SLC10A7: variants seen among roughly 807,000 people sequenced by gnomAD.
SLC10A7 encodes sodium/bile acid cotransporter 7.
SLC10A7 carries 29 observed loss-of-function variants against 43.2 expected under a neutral mutation model. The observed-to-expected ratio is 0.67, with a 90% CI of 0.50 to 0.92. The LOEUF is 0.92. Ranked by LOEUF, SLC10A7 falls within the 40% of genes least tolerant of loss-of-function variation. SLC10A7 has a pLI of 0.00. For synonymous variants in SLC10A7, 152 were observed against 144.8 expected (o/e 1.05, Z -0.35); for missense variants, 295 against 403.2 (o/e 0.73, Z 2.30).
chr4:146,492,725 G>A (rs1735569322), intron 4 of SLC10A7, among the ~76,000 whole-genome samples: 2 of 152,154 alleles, frequency 1.3e-5, no homozygotes, highest in South Asian at 4.2e-4. Flanking sequence ...TATAAAAAGA[G>A]AATACGTTGG....
At chr4:146,336,692 A>G (rs902676822) in intron 5 of SLC10A7, among the ~76,000 whole-genome samples, 1 of 152,016 alleles carries the variant, frequency 6.6e-6, no homozygotes, top group Non-Finnish European at 1.5e-5. Context: ...TTTCTAATCT[A>G]AAGTTGGTTC....
chr4:146,500,158 G>C (rs989813066), intron 4 of SLC10A7, among the ~76,000 whole-genome samples: 2 of 152,110 alleles, frequency 1.3e-5, no homozygotes, highest in Admixed American at 6.5e-5. Flanking sequence ...CCAGCTATCT[G>C]CCAATTTCAT....
chr4:146,480,227 C>A (rs1256910145), intron 4 of SLC10A7, among the ~76,000 whole-genome samples: 3 of 151,682 alleles, frequency 2.0e-5, no homozygotes, highest in Non-Finnish European at 4.4e-5. Flanking sequence ...AATTCAATAC[C>A]TACTAGATAT....
chr4:146,257,716 G>C (rs767639532), intron 11 of SLC10A7, among the ~76,000 whole-genome samples: 1 of 152,132 alleles, frequency 6.6e-6, no homozygotes, highest in Non-Finnish European at 1.5e-5. Context: ...ATTATCATTA[G>C]TCAGCAGAAA....
chr4:146,273,210 T>C (rs1186320465), intron 10 of SLC10A7, among the ~76,000 whole-genome samples: 1 of 152,164 alleles, frequency 6.6e-6, no homozygotes, highest in African/African-American at 2.4e-5. Context: ...TCCTTGCCAT[T>C]GAGCTGTAGG....
intron 5 of SLC10A7, among the ~76,000 whole-genome samples, chr4:146,405,954 A>C (rs997566698): frequency 6.6e-6 from 1 of 152,186 alleles, no homozygotes; most frequent in East Asian, 1.9e-4. Context: ...TTTTGGAGAA[A>C]AAAGGATATC....
At chr4:146,338,641 G>A (rs1286297775) in intron 5 of SLC10A7, among the ~76,000 whole-genome samples, 1 of 151,984 alleles carries the variant, frequency 6.6e-6, no homozygotes, top group Non-Finnish European at 1.5e-5. Context: ...ACTCTTGGGT[G>A]CAGAGTTAGT....
At chr4:146,390,310 G>A (rs1292497738) in intron 5 of SLC10A7, among the ~76,000 whole-genome samples, 1 of 152,134 alleles carries the variant, frequency 6.6e-6, no homozygotes, top group Non-Finnish European at 1.5e-5. Flanking sequence ...GGGCAGTTTT[G>A]AAGGAGGATA....
At chr4:146,517,231 G>A in intron 1 of SLC10A7, 111 bp from the exon 2 acceptor site, 1 of 737,810 alleles carries the variant, frequency 1.4e-6, no homozygotes, top group Middle Eastern at 2.8e-4. Context: ...GGGAGGCCGA[G>A]GCGAGTAGAG....
At chr4:146,384,614 G>C (rs1737859785) in intron 5 of SLC10A7, among the ~76,000 whole-genome samples, 1 of 151,998 alleles carries the variant, frequency 6.6e-6, no homozygotes, top group African/African-American at 2.4e-5. Context: ...TATATATAGG[G>C]ATTTGGACAA....
chr4:146,465,968 C>T (rs1372603456), intron 4 of SLC10A7, among the ~76,000 whole-genome samples: 4 of 152,136 alleles, frequency 2.6e-5, no homozygotes, highest in South Asian at 2.1e-4. Context: ...TGTTCTTTAA[C>T]CTGCTTTCTC....
rs945618820 is a variant in SLC10A7 at position 146,507,933 on chromosome 4, T to C, written c.320+1980A>G. 5.9e-5 allele frequency among the ~76,000 whole-genome samples: 9 copies of C among 152,298 alleles called. No individual in the cohort carries two copies. In the South Asian group the frequency reaches 1.9e-3, roughly 32 times the overall value. The stretch of plus-strand genomic sequence containing the variant: ...GTTCAACATCTTGAAGTCAGAATTG[T>C]TTGTTTTATTTAGCATATTGAGAGT... On this transcript the variant is annotated intron_variant, in intron 3 of 11. Coordinates refer to ENST00000335472, the MANE Select transcript of SLC10A7 (RefSeq NM_001029998.6).
intron 5 of SLC10A7, among the ~76,000 whole-genome samples, chr4:146,440,165 G>A (rs1730487638): frequency 6.6e-6 from 1 of 152,142 alleles, no homozygotes; most frequent in African/African-American, 2.4e-5. Flanking sequence ...CCCAACTTCA[G>A]TGGCTAGGAG....
rs574665886 is a variant in SLC10A7 at position 146,406,150 on chromosome 4, T to C, written c.435+36633A>G. 7.2e-5 allele frequency among the ~76,000 whole-genome samples: 11 copies of C among 152,280 alleles called. No individual in the cohort carries two copies. In the South Asian group the frequency reaches 2.3e-3, roughly 32 times the overall value. On this transcript the variant is annotated intron_variant, in intron 5 of 11. Coordinates refer to ENST00000335472, the MANE Select transcript of SLC10A7 (RefSeq NM_001029998.6). ...TAAGCATTCAGTAGATTCTCAGTTC[T>C]TAATCATTGAAAATTAAATAAAAGC...
intron 2 of SLC10A7, among the ~76,000 whole-genome samples, chr4:146,511,609 A>C (rs990282982): frequency 1.3e-5 from 2 of 152,228 alleles, no homozygotes; most frequent in Admixed American, 1.3e-4. Context: ...TACACACAGC[A>C]GTTCCTTCCT....
At chr4:146,454,562 T>G (rs1731886358) in intron 4 of SLC10A7, among the ~76,000 whole-genome samples, 1 of 151,912 alleles carries the variant, frequency 6.6e-6, no homozygotes, top group African/African-American at 2.4e-5. Flanking sequence ...AAAGGGCATA[T>G]GCTGAAACAC....
intron 6 of SLC10A7, among the ~76,000 whole-genome samples, chr4:146,315,182 G>C (rs370179219): frequency 2.0e-5 from 3 of 152,208 alleles, no homozygotes; most frequent in Admixed American, 6.5e-5. Context: ...TTGATCAACT[G>C]TCCTAGTACT....
chr4:146,502,275 G>A (rs1736489912), intron 4 of SLC10A7, among the ~76,000 whole-genome samples: 1 of 152,176 alleles, frequency 6.6e-6, no homozygotes, highest in Non-Finnish European at 1.5e-5. Context: ...CTAGGATGTA[G>A]AACACTGGAA....
At chr4:146,436,851 G>A (rs989153078) in intron 5 of SLC10A7, among the ~76,000 whole-genome samples, 1 of 151,938 alleles carries the variant, frequency 6.6e-6, no homozygotes, top group African/African-American at 2.4e-5. Flanking sequence ...CTTAATTTCA[G>A]TTACCTTCTA....
Sources: allele counts gnomAD v4.1 joint callset (sites outside exome capture counted in the v4.1 genomes callset), GRCh38; gene constraint gnomAD v4.1.1; transcripts MANE v1.5; gene names NCBI Gene and HGNC (gene_info 2026-07-23, HGNC 2026-07-21).